Variants in ZNF407 observed in about 807,000 individuals in gnomAD.
ZNF407 encodes the protein zinc finger protein 407.
ZNF407 carries 17 observed loss-of-function variants against 131.2 expected under a neutral mutation model. The ratio of observed to expected loss-of-function variants is 0.13; its 90% CI spans 0.09 to 0.19. The LOEUF (loss-of-function observed/expected upper bound fraction) is 0.19. ZNF407 is among the 10% of genes least tolerant of loss of function. The probability of loss-of-function intolerance (pLI) is 1.00; values close to 1 mark genes in which losing one functional copy is unlikely to be tolerated. For missense variants in ZNF407, 2,681 were observed against 2,830.6 expected, an observed-to-expected ratio of 0.95 and a Z score of 1.20; for synonymous variants, 1,156 against 1,062.0, an observed-to-expected ratio of 1.09 and a Z score of -1.72.
chr18:74,768,302 T>C (rs956499990), intron 3 of ZNF407, among the ~76,000 whole-genome samples: 13 of 152,186 alleles, frequency 8.5e-5, no homozygotes, highest in African/African-American at 3.1e-4. Flanking sequence ...CCTAGATCCC[T>C]CTTAGACAAG....
At chr18:74,604,415 A>G (rs928679453) in intron 1 of ZNF407, among the ~76,000 whole-genome samples, 8 of 152,174 alleles carry the variant, frequency 5.3e-5, no homozygotes, top group Non-Finnish European at 8.8e-5. Context: ...TCCATAGGCC[A>G]CACTTGAACA....
chr18:74,999,348 T>TAAAAAAA (rs71170334), intron 8 of ZNF407, among the ~76,000 whole-genome samples: 13 of 60,458 alleles, frequency 2.2e-4, no homozygotes, highest in South Asian at 7.5e-4. Flanking sequence ...TAGAGTATAA[T>TAAAAAAA]AAAAAAAAAA....
intron 3 of ZNF407, among the ~76,000 whole-genome samples, chr18:74,755,051 T>C (rs1042693187): frequency 6.6e-6 from 1 of 152,204 alleles, no homozygotes; most frequent in African/African-American, 2.4e-5. Context: ...GGTGTATATA[T>C]ATTTAGGATA....
chr18:74,917,112 AC>A (rs2145235971), intron 7 of ZNF407, among the ~76,000 whole-genome samples: 1 of 152,124 alleles, frequency 6.6e-6, no homozygotes, highest in African/African-American at 2.4e-5. Context: ...TTGACAAGTA[AC>A]CCATTGAAAT....
At chr18:74,770,714 T>G (rs1969342890) in intron 3 of ZNF407, among the ~76,000 whole-genome samples, 1 of 152,088 alleles carries the variant, frequency 6.6e-6, no homozygotes, top group Non-Finnish European at 1.5e-5. Flanking sequence ...CGGGAAATTG[T>G]GGGTAGGTGT....
chr18:75,027,562 G>A (rs1033419641), intron 8 of ZNF407, among the ~76,000 whole-genome samples: 3 of 152,164 alleles, frequency 2.0e-5, no homozygotes, highest in Admixed American at 6.5e-5. Flanking sequence ...TGGAAGGTAG[G>A]GAGGGAGCAT....
At chr18:74,627,914 G>T (rs1311057584) in intron 1 of ZNF407, among the ~76,000 whole-genome samples, 1 of 127,054 alleles carries the variant, frequency 7.9e-6, no homozygotes, top group Non-Finnish European at 1.5e-5. Flanking sequence ...TCACTCTGTT[G>T]CCCAGGCTGG....
chr18:74,797,552 G>C (rs909127980), intron 4 of ZNF407, among the ~76,000 whole-genome samples: 2 of 152,244 alleles, frequency 1.3e-5, no homozygotes, highest in African/African-American at 4.8e-5. Flanking sequence ...GCCTGCTGCA[G>C]AATTGTATTG....
At chr18:74,909,650 T>C (rs528038985) in intron 7 of ZNF407, among the ~76,000 whole-genome samples, 1 of 152,260 alleles carries the variant, frequency 6.6e-6, no homozygotes, top group South Asian at 2.1e-4. Flanking sequence ...TGAACACGGA[T>C]CTCCTCACAC....
chr18:74,755,871 T>TCCTC (rs1340876349), intron 3 of ZNF407, among the ~76,000 whole-genome samples: 1 of 106,088 alleles, frequency 9.4e-6, no homozygotes, highest in African/African-American at 3.7e-5. Flanking sequence ...CTTCCTTCCT[T>TCCTC]CCTCTTTTCC....
intron 3 of ZNF407, among the ~76,000 whole-genome samples, chr18:74,766,728 G>GAAT (rs1292616250): frequency 6.6e-6 from 1 of 152,144 alleles, no homozygotes; most frequent in Non-Finnish European, 1.5e-5. Context: ...TACCAAAAGG[G>GAAT]AATACACTAG....
At chr18:74,866,875 G>C (rs1463416283) in intron 4 of ZNF407, among the ~76,000 whole-genome samples, 1 of 144,954 alleles carries the variant, frequency 6.9e-6, no homozygotes, top group African/African-American at 2.5e-5. Flanking sequence ...GTAAAAGTGG[G>C]CCTTGTGGCA....
At chr18:74,773,791 C>T (rs897192446) in intron 3 of ZNF407, among the ~76,000 whole-genome samples, 3 of 152,110 alleles carry the variant, frequency 2.0e-5, no homozygotes, top group African/African-American at 7.2e-5. Context: ...CCTTCTGTGC[C>T]CACAATGTAT....
chr18:74,914,627 A>C (rs1214917713), intron 7 of ZNF407, among the ~76,000 whole-genome samples: 1 of 152,316 alleles, frequency 6.6e-6, no homozygotes, highest in Middle Eastern at 3.4e-3. Flanking sequence ...TTTTTAGTTA[A>C]GGAAAAGAGA....
chr18:74,930,281 A>T (rs1281802296), intron 8 of ZNF407, among the ~76,000 whole-genome samples: 1 of 152,224 alleles, frequency 6.6e-6, no homozygotes, highest in Non-Finnish European at 1.5e-5. Context: ...ATTTAAGAAA[A>T]TACCAGAAGA....
intron 4 of ZNF407, among the ~76,000 whole-genome samples, chr18:74,785,843 T>C (rs1023723539): frequency 6.0e-5 from 9 of 151,184 alleles, no homozygotes; most frequent in African/African-American, 1.5e-4. Flanking sequence ...TCACATGGCA[T>C]GCACATGGCC....
At chr18:74,762,905 C>A (rs767004328) in intron 3 of ZNF407, among the ~76,000 whole-genome samples, 1 of 151,994 alleles carries the variant, frequency 6.6e-6, no homozygotes, top group African/African-American at 2.4e-5. Flanking sequence ...TTATGATGAA[C>A]ATTTGTAAAC....
At chr18:74,951,404 C>T (rs1972212656) in intron 8 of ZNF407, among the ~76,000 whole-genome samples, 1 of 152,146 alleles carries the variant, frequency 6.6e-6, no homozygotes, top group Non-Finnish European at 1.5e-5. Flanking sequence ...GTTGATTTGC[C>T]TAAACTGTTT....
chr18:75,034,450 C>G (rs538521162), intron 8 of ZNF407, among the ~76,000 whole-genome samples: 2 of 151,898 alleles, frequency 1.3e-5, no homozygotes, highest in South Asian at 4.2e-4. Flanking sequence ...ACTACAGGTG[C>G]GCGCCACCAT....
Sources: allele counts gnomAD v4.1 joint callset (sites outside exome capture counted in the v4.1 genomes callset), GRCh38; gene constraint gnomAD v4.1.1; transcripts MANE v1.5; gene names NCBI Gene and HGNC (gene_info 2026-07-23, HGNC 2026-07-21).